ALDH1L2: variants seen among roughly 807,000 people sequenced by gnomAD.
ALDH1L2 encodes aldehyde dehydrogenase 1 family member L2, also known as mitochondrial 10-formyltetrahydrofolate dehydrogenase.
ALDH1L2 carries 91 observed loss-of-function variants against 111.0 expected under a neutral mutation model. That is an observed-to-expected ratio of 0.82 (90% confidence interval 0.69 to 0.98). The LOEUF (loss-of-function observed/expected upper bound fraction) is 0.98. Ranked by LOEUF, ALDH1L2 falls within the 50% of genes least tolerant of loss-of-function variation. The probability of loss-of-function intolerance (pLI) is 0.00; values close to 1 mark genes in which losing one functional copy is unlikely to be tolerated. For synonymous variants in ALDH1L2, 374 were observed against 392.6 expected (o/e 0.95, Z 0.56); for missense variants, 995 against 1,126.8 (o/e 0.88, Z 1.67).
chr12:105,027,131 T>G (rs1874458517), intron 21 of ALDH1L2, among the ~76,000 whole-genome samples: 1 of 152,260 alleles, frequency 6.6e-6, no homozygotes, highest in Non-Finnish European at 1.5e-5. Flanking sequence ...AACCTTGCCC[T>G]TGCAAAGTGT....
intron 2 of ALDH1L2, among the ~76,000 whole-genome samples, chr12:105,072,699 C>T (rs1471530727): frequency 6.6e-6 from 1 of 152,136 alleles, no homozygotes; most frequent in Non-Finnish European, 1.5e-5. Flanking sequence ...CCAGGCAGGG[C>T]GTGGTGGCTC....
At position 105,023,964 on chromosome 12, in the gene ALDH1L2, A is replaced by G. The variant is rs1874286326; in HGVS notation, c.*460T>C. 1 of 156,760 alleles carries G rather than the reference A, an allele frequency of 6.4e-6. No individual in the cohort carries two copies. Among genetic ancestry groups the G allele is most frequent in the African/African-American group, 2.4e-5 (1 of 41,488 alleles). The allele number at this position is 156,760 out of a possible 1,614,324, so 9.7% of individuals were successfully genotyped here. Reference sequence around the variant, plus strand: ...TATTTCCAAATACTAAAAAAGAACTACCTTCACATTCCTTACAGGTTATAC... The same window carrying G: ...TATTTCCAAATACTAAAAAAGAACTGCCTTCACATTCCTTACAGGTTATAC... On this transcript the variant is annotated 3_prime_UTR_variant, in exon 23 of 23. Transcript: ENST00000258494.
rs371079827 is a variant in ALDH1L2 at position 105,049,965 on chromosome 12, G to C, written c.1629C>G (p.His543Gln). Residue 543 changes from histidine to glutamine, a missense_variant, in exon 13 of 23, where the codon CAC (histidine) becomes CAG (glutamine). Transcript: ENST00000258494. ...GAVYTLALKT[H>Q]IGMSVQTFRY... ...TGAATGTTTGCACAGACATTCCAAT[G>C]TGTGTCTTCAGGGCCAAGGTATAGA... The C allele has an allele frequency of 1.2e-5, 20 of 1,612,988 alleles. No individual in the cohort carries two copies. In the South Asian group the frequency reaches 2.1e-4, roughly 17 times the overall value.
At chr12:105,083,368 G>A (rs935656149) in intron 1 of ALDH1L2, among the ~76,000 whole-genome samples, 3 of 124,374 alleles carry the variant, frequency 2.4e-5, no homozygotes, top group Non-Finnish European at 3.2e-5. Flanking sequence ...ATACCTCAAA[G>A]TAACTAGAAC....
At chr12:105,065,140 G>A (rs116772983) in intron 6 of ALDH1L2, 127 bp downstream of exon 6, 50 of 558,368 alleles carry the variant, frequency 9.0e-5, no homozygotes, top group African/African-American at 8.7e-4. Flanking sequence ...TGAGTAAAGG[G>A]GAGAGTGAAT....
chr12:105,049,757 A>G (rs1876135150), intron 13 of ALDH1L2, 151 bp downstream of exon 13: 3 of 803,016 alleles, frequency 3.7e-6, no homozygotes, highest in Non-Finnish European at 5.4e-6. Context: ...AGTCTCAGGT[A>G]TTCTGTTACA....
In ALDH1L2 at chr12:105,068,912, A is replaced by G. The variant is rs76608339; in HGVS notation, c.429-28T>C. The G allele has an allele frequency of 3.7e-4, 557 of 1,505,430 alleles. 3 individuals carry two copies. The African/African-American group carries it at 7.3e-3, about 20-fold the overall frequency. 93.3% of individuals were successfully genotyped at this position (1,505,430 alleles called of 1,614,324 possible). On this transcript the variant is annotated intron_variant, in intron 3 of 22. Coordinates refer to ENST00000258494, the MANE Select transcript of ALDH1L2 (RefSeq NM_001034173.4). ...GTGAAAAGAAGAATTTCAATTTAAA[A>G]TGTTGGTTAACTGTATCATAAAGTG...
chr12:105,072,365 A>T (rs1385688789), intron 2 of ALDH1L2: 1 of 151,878 alleles, frequency 6.6e-6, no homozygotes. Flanking sequence ...CTGAACAACA[A>T]AATTCATTGA....
At chr12:105,056,156 A>C (rs1876617886) in intron 10 of ALDH1L2, among the ~76,000 whole-genome samples, 1 of 152,166 alleles carries the variant, frequency 6.6e-6, no homozygotes, top group Non-Finnish European at 1.5e-5. Context: ...AAAATCTCAA[A>C]AGCAGCAAGA....
intron 2 of ALDH1L2, among the ~76,000 whole-genome samples, chr12:105,071,449 C>T (rs1278057668): frequency 2.6e-5 from 4 of 151,644 alleles, no homozygotes; most frequent in African/African-American, 9.7e-5. Flanking sequence ...GCTGTCCCCT[C>T]CCAAACAAAT....
intron 1 of ALDH1L2, among the ~76,000 whole-genome samples, chr12:105,079,619 A>G (rs962036372): frequency 1.3e-5 from 2 of 152,234 alleles, no homozygotes; most frequent in Non-Finnish European, 2.9e-5. Context: ...AACGGACTCC[A>G]GTACTAGAGA....
intron 21 of ALDH1L2, among the ~76,000 whole-genome samples, chr12:105,027,449 G>A (rs1006599520): frequency 1.3e-5 from 2 of 152,118 alleles, no homozygotes; most frequent in Non-Finnish European, 2.9e-5. Context: ...CTCCTTCAGT[G>A]CCTGAAGCCG....
intron 15 of ALDH1L2, among the ~76,000 whole-genome samples, 192 bp downstream of exon 15, chr12:105,046,518 T>C (rs144435758): frequency 6.6e-6 from 1 of 151,992 alleles, no homozygotes; most frequent in African/African-American, 2.4e-5. Flanking sequence ...TTTTAAATTG[T>C]GGAATCTCCA....
At chr12:105,066,831 G>A (rs892792206) in intron 4 of ALDH1L2, among the ~76,000 whole-genome samples, 162 bp from the exon 5 acceptor site, 1 of 152,178 alleles carries the variant, frequency 6.6e-6, no homozygotes, top group African/African-American at 2.4e-5. Context: ...CTGACAAGCA[G>A]TGTGGTAGCT....
chr12:105,040,589 G>T lies in ALDH1L2; in HGVS notation c.1951+18C>A. On this transcript the variant is annotated intron_variant, in intron 16 of 22. Transcript: ENST00000258494. ...ACCATTCATTAGTTATAGCACAGTC[G>T]GTCATTTAGTGGCTTACCTGAGCCT... 9 of 1,612,486 alleles carry T rather than the reference G, an allele frequency of 5.6e-6. No homozygotes were observed. The highest frequency in any genetic ancestry group is 1.3e-5 in the African/African-American group (1 of 74,976).
intron 15 of ALDH1L2, among the ~76,000 whole-genome samples, chr12:105,044,012 A>G (rs558791865): frequency 1.3e-5 from 2 of 152,354 alleles, no homozygotes; most frequent in East Asian, 1.9e-4. Context: ...ACAGAGCCCT[A>G]ATATTATAAA....
At position 105,029,162 on chromosome 12, in the gene ALDH1L2, G is replaced by A. The variant is rs1423411852; in HGVS notation, c.2516+1162C>T. Among the ~76,000 whole-genome samples, 3 of 151,802 alleles carry A rather than the reference G, an allele frequency of 2.0e-5. 1 individual carries two copies. Among genetic ancestry groups the A allele is most frequent in the Non-Finnish European group, 4.4e-5 (3 of 67,948 alleles). On this transcript the variant is annotated intron_variant, in intron 21 of 22. Transcript: ENST00000258494. ...CCCACCTTAGCCTCCGAAGTAGCTG[G>A]GACTACAGGCACATGCCACCATGCC...
At chr12:105,073,813 G>C (rs751498612) in intron 2 of ALDH1L2, 48 bp downstream of exon 2, 5 of 1,610,520 alleles carry the variant, frequency 3.1e-6, no homozygotes, top group Admixed American at 1.7e-5. Flanking sequence ...GTCCAGCATT[G>C]GTAAGGACCT....
At chr12:105,082,126 A>G (rs1878362947) in intron 1 of ALDH1L2, among the ~76,000 whole-genome samples, 1 of 152,228 alleles carries the variant, frequency 6.6e-6, no homozygotes, top group African/African-American at 2.4e-5. Context: ...CCCCGGAGGC[A>G]GAGGTAGCAG....
Sources: gnomAD v4.1 joint callset for allele counts (sites outside exome capture counted in the v4.1 genomes callset) on GRCh38, gnomAD v4.1.1 for gene constraint, MANE v1.5 for transcripts, NCBI Gene and HGNC (gene_info 2026-07-23, HGNC 2026-07-21) for gene names.